Variants in ATXN10 observed in about 807,000 individuals in gnomAD.
ATXN10 encodes the protein ataxin 10, also known as ataxin-10.
ATXN10 carries 28 observed loss-of-function variants against 52.9 expected under a neutral mutation model. The ratio of observed to expected loss-of-function variants is 0.53; its 90% CI spans 0.39 to 0.73. The LOEUF (loss-of-function observed/expected upper bound fraction) is 0.73, where lower values mean the gene tolerates loss of function less well. Among genes scored for constraint, ATXN10 ranks in the 30% least tolerant of loss-of-function variants. The pLI is 0.00. For synonymous variants in ATXN10, 226 were observed against 221.5 expected (o/e 1.02, Z -0.18); for missense variants, 565 against 577.0 (o/e 0.98, Z 0.21).
intron 9 of ATXN10, among the ~76,000 whole-genome samples, chr22:45,798,059 A>G (rs988159826): frequency 6.6e-6 from 1 of 152,248 alleles, no homozygotes; most frequent in Admixed American, 6.5e-5. Flanking sequence ...CAAAATCTCC[A>G]GGCACACATA....
At chr22:45,751,763 A>AAAAAAAAAAATAT in intron 9 of ATXN10, among the ~76,000 whole-genome samples, 1 of 66,630 alleles carries the variant, frequency 1.5e-5, no homozygotes, top group Non-Finnish European at 2.9e-5. Context: ...AATAAAAAAA[A>AAAAAAAAAAATAT]AATAATAATA....
intron 5 of ATXN10, 27 bp downstream of exon 5, chr22:45,702,874 G>C (rs763271363): frequency 6.2e-7 from 1 of 1,613,140 alleles, no homozygotes; most frequent in South Asian, 1.1e-5. Context: ...AAATTTGATT[G>C]CTTTGGGGCA....
rs1922911038 is a variant in ATXN10, at chr22:45,681,290, G to C, written c.117-8422G>C. 6.6e-6 allele frequency among the ~76,000 whole-genome samples: 1 copy of C among 151,476 alleles called. No individual in the cohort carries two copies. Among genetic ancestry groups the C allele is most frequent in the Admixed American group, 6.6e-5 (1 of 15,208 alleles). ...TGAGCTTGACCTCCATCCCATCTCA[G>C]ACACACATTGCCATACCTTACTTAG... is the stretch of plus-strand genomic sequence containing the variant. On this transcript the variant is annotated intron_variant, in intron 1 of 11. Coordinates refer to ENST00000252934, the MANE Select transcript of ATXN10 (RefSeq NM_013236.4). This position sits in a 1 kb window ranked among gnomAD's most constrained non-coding sequence, Gnocchi z 4.2.
Position 45,819,835 on chromosome 22 carries a change from G to A in ATXN10, c.1237+12813G>A, listed in dbSNP as rs1328859636. ...GAGAAAGTTAATACCTTTTTAAATT[G>A]CGAAACTTAAATACCATTGCCACAC... On this transcript the variant is annotated intron_variant, in intron 10 of 11. Coordinates refer to ENST00000252934, the MANE Select transcript of ATXN10 (RefSeq NM_013236.4). This position sits in a 1 kb window ranked among gnomAD's most constrained non-coding sequence, Gnocchi z 4.5. 2.6e-5 allele frequency among the ~76,000 whole-genome samples: 4 copies of A among 152,182 alleles called. No homozygotes were observed. Among genetic ancestry groups the A allele is most frequent in the Non-Finnish European group, 4.4e-5 (3 of 68,046 alleles).
At chr22:45,745,733 G>C (rs906306201) in intron 9 of ATXN10, among the ~76,000 whole-genome samples, 14 of 152,070 alleles carry the variant, frequency 9.2e-5, no homozygotes, top group African/African-American at 3.1e-4. Flanking sequence ...CACATAGTAG[G>C]CATTCAGTAA....
At chr22:45,796,516 G>A (rs749398770) in intron 9 of ATXN10, among the ~76,000 whole-genome samples, 7 of 152,118 alleles carry the variant, frequency 4.6e-5, no homozygotes, top group African/African-American at 1.7e-4. Flanking sequence ...CTGCTTTTGT[G>A]GCTCAAGGGG....
In ATXN10 at chr22:45,790,423, C is replaced by T. The variant is rs971577918; in HGVS notation, c.1174-16536C>T. The stretch of plus-strand genomic sequence containing the variant: ...ACCAGAGTTAGAAAACAAGCCAATT[C>T]CTGGTCTTCTAATAGTTACCCCAAG... On this transcript the variant is annotated intron_variant, in intron 9 of 11. Transcript: ENST00000252934. The surrounding 1 kb of genome is among the most constrained non-coding windows in gnomAD (Gnocchi z 4.7). Among the ~76,000 whole-genome samples, 1 of 152,190 alleles carries T rather than the reference C, an allele frequency of 6.6e-6. No homozygotes were observed. Among genetic ancestry groups the T allele is most frequent in the Non-Finnish European group, 1.5e-5 (1 of 68,030 alleles).
chr22:45,706,209 T>C (rs1924036065), intron 5 of ATXN10, among the ~76,000 whole-genome samples: 1 of 152,224 alleles, frequency 6.6e-6, no homozygotes, highest in Non-Finnish European at 1.5e-5. Context: ...AAATTGTTAA[T>C]AGACCCTTAG....
At chr22:45,699,504 T>C (rs1923753775) in intron 3 of ATXN10, among the ~76,000 whole-genome samples, 1 of 147,492 alleles carries the variant, frequency 6.8e-6, no homozygotes, top group African/African-American at 2.5e-5. Flanking sequence ...TTTTTTTTTT[T>C]TTTTTGAGAC....
At chr22:45,811,830 C>G (rs1928291844) in intron 10 of ATXN10, 1 of 467,518 alleles carries the variant, frequency 2.1e-6, no homozygotes, top group Non-Finnish European at 4.4e-6. Context: ...GTGTCATGAT[C>G]TTTGAAAACC....
At position 45,843,049 on chromosome 22, in the gene ATXN10, C is replaced by T; in HGVS notation, c.1296C>T (p.Asn432=). Residue 432 remains asparagine (N), a synonymous_variant, in exon 11 of 12, where the codon AAC becomes AAT. Transcript: ENST00000252934. The surrounding 1 kb of genome is among the most constrained non-coding windows in gnomAD (Gnocchi z 4.5). ...ACCTTACCGAAGACAACAGCCAAAA[C>T]CAAGATTTGATTGCAAAGATGGAGG... is the stretch of plus-strand genomic sequence containing the variant. ...IRNLTEDNSQ[N]QDLIAKMEEQ... is the part of the protein sequence containing the mutation. 1 of 1,614,134 alleles carries T rather than the reference C, an allele frequency of 6.2e-7. No individual in the cohort carries two copies.
chr22:45,701,157 G>A lies in ATXN10; in HGVS notation c.488+779G>A, dbSNP rs1923828698. Reference sequence around the variant, plus strand: ...TGGTTGCAACAGTATAAGCAGCACAGCAGGGTAGCAGCTGTTGTGTACATA... The same window carrying A: ...TGGTTGCAACAGTATAAGCAGCACAACAGGGTAGCAGCTGTTGTGTACATA... On this transcript the variant is annotated intron_variant, in intron 4 of 11. Coordinates refer to ENST00000252934, the MANE Select transcript of ATXN10 (RefSeq NM_013236.4). This position sits in a 1 kb window ranked among gnomAD's most constrained non-coding sequence, Gnocchi z 4.2. 6.6e-6 allele frequency among the ~76,000 whole-genome samples: 1 copy of A among 152,192 alleles called. No individual in the cohort carries two copies. Among genetic ancestry groups the A allele is most frequent in the African/African-American group, 2.4e-5 (1 of 41,448 alleles).
intron 9 of ATXN10, among the ~76,000 whole-genome samples, chr22:45,751,763 A>AAAAAAAAAAAAATAATAATAAT: frequency 9.0e-5 from 6 of 66,630 alleles, no homozygotes; most frequent in Non-Finnish European, 1.8e-4. Context: ...AATAAAAAAA[A>AAAAAAAAAAAAATAATAATAAT]AATAATAATA....
rs1555898398 is a variant in ATXN10, at chr22:45,820,744, C to CT, written c.1237+13724dup. ...CCGCAGGCATTGCCAGGGTGGTTTG[C>CT]TTACCCCGGCCATCCCAACAATGGT... On this transcript the variant is annotated intron_variant, in intron 10 of 11. Transcript: ENST00000252934. This position sits in a 1 kb window ranked among gnomAD's most constrained non-coding sequence, Gnocchi z 4.9. Among the ~76,000 whole-genome samples, 1 of 152,200 alleles carries CT rather than the reference C, an allele frequency of 6.6e-6. No homozygotes were observed. The highest frequency in any genetic ancestry group is 6.5e-5 in the Admixed American group (1 of 15,290).
Position 45,843,793 on chromosome 22 carries a change from T to G in ATXN10, c.*122T>G. On this transcript the variant is annotated 3_prime_UTR_variant, in exon 12 of 12. Transcript: ENST00000252934. The surrounding 1 kb of genome is among the most constrained non-coding windows in gnomAD (Gnocchi z 4.5). ...GTACAAATTTGGGAACATACAAATC[T>G]TTTAGGTAGTAGAGTTTAACGTGTA... is the stretch of plus-strand genomic sequence containing the variant. 1.1e-6 allele frequency: 1 copy of G among 933,514 alleles called. No homozygotes were observed. The highest frequency in any genetic ancestry group is 1.7e-6 in the Non-Finnish European group (1 of 590,412). 57.8% of individuals were successfully genotyped at this position (933,514 alleles called of 1,614,324 possible).
chr22:45,738,928 T>G (rs963041680), intron 8 of ATXN10, 89 bp downstream of exon 8: 1 of 1,184,466 alleles, frequency 8.4e-7, no homozygotes, highest in Admixed American at 1.8e-5. Context: ...ATCCTTAATT[T>G]TCAGTGTACT....
intron 9 of ATXN10, among the ~76,000 whole-genome samples, chr22:45,768,888 AT>A (rs1315557477): frequency 1.3e-5 from 2 of 152,204 alleles, no homozygotes; most frequent in Non-Finnish European, 2.9e-5. Flanking sequence ...AGAAATTGTA[AT>A]TAATCTTTCT....
At chr22:45,682,707 C>T (rs184072424) in intron 1 of ATXN10, among the ~76,000 whole-genome samples, 3 of 152,324 alleles carry the variant, frequency 2.0e-5, no homozygotes, top group African/African-American at 7.2e-5. Flanking sequence ...ACCAGATATC[C>T]TCAGAGTACT....
In ATXN10 at chr22:45,760,390, T is replaced by C. The variant is rs73444641; in HGVS notation, c.1173+19852T>C. On this transcript the variant is annotated intron_variant, in intron 9 of 11. Coordinates refer to ENST00000252934, the MANE Select transcript of ATXN10 (RefSeq NM_013236.4). ...GTGCAGCAAGCACTTTCTGAGTGCTTACCATGTGCCACTTTCTGTGAACCT... is the reference window on the plus strand; with the variant it reads ...GTGCAGCAAGCACTTTCTGAGTGCTCACCATGTGCCACTTTCTGTGAACCT... 8.4e-3 allele frequency: 1,292 copies of C among 154,076 alleles called. 11 individuals carry two copies. Among genetic ancestry groups the C allele is most frequent in the African/African-American group, 0.029 (1,207 of 41,594 alleles). 9.5% of individuals were successfully genotyped at this position (154,076 alleles called of 1,614,324 possible).
Sources: gnomAD v4.1 joint callset for allele counts (sites outside exome capture counted in the v4.1 genomes callset) on GRCh38, gnomAD v4.1.1 for gene constraint, Gnocchi (gnomAD v3.1) non-coding constraint, MANE v1.5 for transcripts, NCBI Gene and HGNC (gene_info 2026-07-23, HGNC 2026-07-21) for gene names.